Variants in LDB2 observed in about 807,000 individuals in gnomAD.
The protein encoded by LDB2 is LIM domain binding 2.
Under a neutral mutation model 44.3 loss-of-function variants are expected in LDB2, and 12 were observed. The observed-to-expected ratio is 0.27, with a 90% CI of 0.17 to 0.44. The LOEUF (loss-of-function observed/expected upper bound fraction) is 0.44. LDB2 is among the 20% of genes least tolerant of loss of function. The pLI is 1.00. For missense variants in LDB2, 344 were observed against 473.5 expected, an observed-to-expected ratio of 0.73 and a Z score of 2.54; for synonymous variants, 164 against 174.8, an observed-to-expected ratio of 0.94 and a Z score of 0.49.
intron 2 of LDB2, among the ~76,000 whole-genome samples, chr4:16,659,671 G>GTGTGTGTGTGTATATATATATATATA (rs1315288524): frequency 7.5e-6 from 1 of 133,522 alleles, no homozygotes; most frequent in Admixed American, 7.0e-5. Context: ...ATCTATGTGT[G>GTGTGTGTGTGTATATATATATATATA]TATATATATA....
At chr4:16,823,627 T>C (rs546557903) in intron 1 of LDB2, among the ~76,000 whole-genome samples, 2 of 152,310 alleles carry the variant, frequency 1.3e-5, no homozygotes, top group East Asian at 1.9e-4. Flanking sequence ...GGCTTCGTAA[T>C]TACCTCTCTG....
intron 1 of LDB2, among the ~76,000 whole-genome samples, chr4:16,854,759 G>A (rs1367768260): frequency 1.3e-5 from 2 of 151,092 alleles, no homozygotes; most frequent in Admixed American, 6.6e-5. Flanking sequence ...TCATGTAGAG[G>A]AGGAGAATTA....
In LDB2 at chr4:16,780,889, C is replaced by T. The variant is rs1043295025; in HGVS notation, c.133-21629G>A. 2.0e-5 allele frequency among the ~76,000 whole-genome samples: 3 copies of T among 152,284 alleles called. No homozygotes were observed. The East Asian group carries it at 5.8e-4, about 29-fold the overall frequency. On this transcript the variant is annotated intron_variant, in intron 1 of 7. Coordinates refer to ENST00000304523, the MANE Select transcript of LDB2 (RefSeq NM_001290.5). ...CTTGGAAGGTTAAGCAATTTATCCA[C>T]AGTGAGATGTCTAATAAAGTTTAGG...
chr4:16,519,681 C>G (rs1487992974), intron 5 of LDB2, among the ~76,000 whole-genome samples: 2 of 150,548 alleles, frequency 1.3e-5, no homozygotes, highest in Non-Finnish European at 3.0e-5. Flanking sequence ...GGTTCAAGCC[C>G]TCCAAGTCAG....
intron 5 of LDB2, among the ~76,000 whole-genome samples, chr4:16,578,624 C>G (rs142224110): frequency 6.6e-6 from 1 of 152,142 alleles, no homozygotes; most frequent in African/African-American, 2.4e-5. Context: ...ATTAGTGCAA[C>G]CACTATGGAG....
chr4:16,878,438 C>T (rs1459105587), intron 1 of LDB2, among the ~76,000 whole-genome samples: 1 of 152,166 alleles, frequency 6.6e-6, no homozygotes, highest in African/African-American at 2.4e-5. Flanking sequence ...AATTCACTGT[C>T]ATCTTTTACC....
chr4:16,872,714 C>G (rs1717070464), intron 1 of LDB2, among the ~76,000 whole-genome samples: 2 of 152,094 alleles, frequency 1.3e-5, no homozygotes, highest in Admixed American at 6.6e-5. Flanking sequence ...CATACTGTTA[C>G]AATCAAAAAT....
chr4:16,793,759 G>A (rs1776211740), intron 1 of LDB2, among the ~76,000 whole-genome samples: 1 of 152,150 alleles, frequency 6.6e-6, no homozygotes, highest in South Asian at 2.1e-4. Context: ...TGTATTTGGA[G>A]CACAGCTGTA....
intron 5 of LDB2, among the ~76,000 whole-genome samples, chr4:16,522,276 T>TGTGTGTGCGTGTG (rs1726438868): frequency 6.7e-6 from 1 of 150,234 alleles, no homozygotes. Flanking sequence ...GTGTGTGTGT[T>TGTGTGTGCGTGTG]TGTGTGTGTG....
At chr4:16,577,180 T>G (rs546740807) in intron 5 of LDB2, among the ~76,000 whole-genome samples, 2 of 152,282 alleles carry the variant, frequency 1.3e-5, no homozygotes, top group African/African-American at 4.8e-5. Context: ...ATGACAAGGA[T>G]GCCCACTATT....
intron 1 of LDB2, among the ~76,000 whole-genome samples, chr4:16,810,796 C>T (rs1366666638): frequency 6.6e-6 from 1 of 152,032 alleles, no homozygotes; most frequent in African/African-American, 2.4e-5. Flanking sequence ...AGCTGGGGTT[C>T]AAATTCCAAT....
At chr4:16,880,903 C>CAAAAAA (rs1004776367) in intron 1 of LDB2, among the ~76,000 whole-genome samples, 1 of 57,464 alleles carries the variant, frequency 1.7e-5, no homozygotes, top group African/African-American at 5.2e-5. Flanking sequence ...GACTCCATCT[C>CAAAAAA]AAAAAAAAAA....
intron 6 of LDB2, among the ~76,000 whole-genome samples, chr4:16,511,016 A>G (rs1256323408): frequency 2.0e-5 from 3 of 152,364 alleles, no homozygotes; most frequent in South Asian, 4.1e-4. Flanking sequence ...TAATATTCCA[A>G]AAGTCTAAAA....
chr4:16,622,067 C>A (rs1490177661), intron 2 of LDB2, among the ~76,000 whole-genome samples: 1 of 152,196 alleles, frequency 6.6e-6, no homozygotes, highest in Non-Finnish European at 1.5e-5. Flanking sequence ...AGGTGGAAAA[C>A]AAATCTATAC....
chr4:16,674,378 AG>A (rs1169425806), intron 2 of LDB2: 1 of 772,144 alleles, frequency 1.3e-6, no homozygotes, highest in Non-Finnish European at 1.9e-6. Context: ...GTTGCCCTGG[AG>A]GCGGTGTTAG....
At chr4:16,781,852 C>A (rs543601) in intron 1 of LDB2, among the ~76,000 whole-genome samples, 152,284 of 152,284 alleles carry the variant, frequency 1, 76,142 homozygotes, top group Non-Finnish European at 1. Flanking sequence ...AGAGAGACCC[C>A]CAAGCCCACC....
intron 5 of LDB2, among the ~76,000 whole-genome samples, chr4:16,545,869 A>T (rs909431358): frequency 6.6e-6 from 1 of 152,216 alleles, no homozygotes. Context: ...ATAGATGTAG[A>T]TGGATAACAT....
chr4:16,628,294 T>C (rs1207684189), intron 2 of LDB2, among the ~76,000 whole-genome samples: 2 of 152,186 alleles, frequency 1.3e-5, no homozygotes, highest in Non-Finnish European at 2.9e-5. Context: ...AAAAATAGCA[T>C]TCTTTCATCT....
chr4:16,671,272 T>C (rs1744700531), intron 2 of LDB2, among the ~76,000 whole-genome samples: 1 of 152,192 alleles, frequency 6.6e-6, no homozygotes, highest in Non-Finnish European at 1.5e-5. Context: ...AGAATAATCC[T>C]TGCAAATCTC....
Sources: gnomAD v4.1 joint callset for allele counts (sites outside exome capture counted in the v4.1 genomes callset) on GRCh38, gnomAD v4.1.1 for gene constraint, MANE v1.5 for transcripts, NCBI Gene and HGNC (gene_info 2026-07-23, HGNC 2026-07-21) for gene names.